The following EPHA3 variants were observed in gnomAD, a reference collection of about 807,000 sequenced individuals.
The protein encoded by EPHA3 is EPH receptor A3, also known as ephrin type-A receptor 3.
EPHA3 carries 42 observed loss-of-function variants against 107.1 expected under a neutral mutation model. That is an observed-to-expected ratio of 0.39 (90% confidence interval 0.31 to 0.51). The LOEUF (loss-of-function observed/expected upper bound fraction) is 0.51. Ranked by LOEUF, EPHA3 falls within the 20% of genes least tolerant of loss-of-function variation. EPHA3 has a pLI of 0.78. For missense variants in EPHA3, 1,183 were observed against 1,211.2 expected, an observed-to-expected ratio of 0.98 and a Z score of 0.35; for synonymous variants, 461 against 424.8, an observed-to-expected ratio of 1.09 and a Z score of -1.05.
chr3:89,186,815 A>C (rs1705578426), intron 2 of EPHA3, among the ~76,000 whole-genome samples: 1 of 152,140 alleles, frequency 6.6e-6, no homozygotes, highest in Non-Finnish European at 1.5e-5. Context: ...ATGTAGAAAT[A>C]TAGCATTTCA....
intron 15 of EPHA3, among the ~76,000 whole-genome samples, chr3:89,457,155 G>A (rs1710113494): frequency 6.6e-6 from 1 of 152,148 alleles, no homozygotes; most frequent in Non-Finnish European, 1.5e-5. Flanking sequence ...AAAACAGGCT[G>A]GGGGAACACT....
At chr3:89,333,749 G>C (rs1219560340) in intron 3 of EPHA3, among the ~76,000 whole-genome samples, 20 of 152,030 alleles carry the variant, frequency 1.3e-4, no homozygotes, top group Non-Finnish European at 2.1e-4. Flanking sequence ...GCATGCGACT[G>C]TAGTCCCAGC....
At chr3:89,150,281 A>G (rs544481033) in intron 2 of EPHA3, among the ~76,000 whole-genome samples, 24 of 152,226 alleles carry the variant, frequency 1.6e-4, no homozygotes, top group African/African-American at 5.8e-4. Flanking sequence ...AGATGAACAA[A>G]TAATTCAAAT....
intron 3 of EPHA3, among the ~76,000 whole-genome samples, chr3:89,320,979 G>A (rs1208296003): frequency 6.6e-6 from 1 of 151,824 alleles, no homozygotes; most frequent in Admixed American, 6.6e-5. Flanking sequence ...AGAAATGATG[G>A]GCTATGTATA....
At chr3:89,263,342 C>T (rs1407387641) in intron 3 of EPHA3, among the ~76,000 whole-genome samples, 1 of 152,066 alleles carries the variant, frequency 6.6e-6, no homozygotes, top group Non-Finnish European at 1.5e-5. Context: ...TGCCTTTTTG[C>T]GTGAGGAGGC....
At chr3:89,133,514 A>C (rs1704249082) in intron 2 of EPHA3, among the ~76,000 whole-genome samples, 1 of 152,192 alleles carries the variant, frequency 6.6e-6, no homozygotes, top group African/African-American at 2.4e-5. Context: ...CATTTTCTGC[A>C]TCCTGCTAGT....
intron 3 of EPHA3, among the ~76,000 whole-genome samples, chr3:89,246,313 G>A (rs1469985992): frequency 2.6e-5 from 4 of 152,040 alleles, no homozygotes; most frequent in African/African-American, 9.7e-5. Context: ...AATCCTCCCA[G>A]GAAAGAATAA....
intron 2 of EPHA3, among the ~76,000 whole-genome samples, chr3:89,140,599 C>A (rs545423646): frequency 1.2e-3 from 185 of 151,750 alleles, no homozygotes; most frequent in African/African-American, 4.4e-3. Flanking sequence ...GTGAAATTTG[C>A]TTTAGTGATT....
At chr3:89,160,795 C>A (rs904615643) in intron 2 of EPHA3, among the ~76,000 whole-genome samples, 1 of 152,006 alleles carries the variant, frequency 6.6e-6, no homozygotes, top group Non-Finnish European at 1.5e-5. Flanking sequence ...TTTTTATAGT[C>A]TCCTCAGCTT....
At chr3:89,386,423 T>G (rs1222409404) in intron 5 of EPHA3, among the ~76,000 whole-genome samples, 1 of 152,188 alleles carries the variant, frequency 6.6e-6, no homozygotes, top group Admixed American at 6.5e-5. Flanking sequence ...GGCCATGGCT[T>G]AAGATGGTGC....
Position 89,449,378 on chromosome 3 carries a change from A to T in EPHA3, c.2496+4A>T. On this transcript the variant is annotated splice_donor_region_variant and intron_variant, in intron 14 of 16. Transcript: ENST00000336596. ...CTGGGAGATGTCCAATCAGGATGTAAGTATTTGTGGTCTATGAGTTATGAG... is the reference window on the plus strand; with the variant it reads ...CTGGGAGATGTCCAATCAGGATGTATGTATTTGTGGTCTATGAGTTATGAG... 6.3e-7 allele frequency: 1 copy of T among 1,585,380 alleles called. No homozygotes were observed. Among genetic ancestry groups the T allele is most frequent in the Non-Finnish European group, 8.6e-7 (1 of 1,160,846 alleles).
At chr3:89,219,856 C>A (rs1459465275) in intron 3 of EPHA3, among the ~76,000 whole-genome samples, 1 of 146,998 alleles carries the variant, frequency 6.8e-6, no homozygotes, top group East Asian at 2.0e-4. Flanking sequence ...CTACAGGCGC[C>A]CGCCACTACG....
intron 5 of EPHA3, among the ~76,000 whole-genome samples, chr3:89,369,772 A>G (rs1289591214): frequency 6.7e-6 from 1 of 149,210 alleles, no homozygotes; most frequent in African/African-American, 2.5e-5. Flanking sequence ...CAAAGGGCTA[A>G]TATCCAGAAT....
Position 89,161,601 on chromosome 3 carries a change from T to C in EPHA3, c.153+34328T>C, listed in dbSNP as rs150120857. 8.5e-3 allele frequency among the ~76,000 whole-genome samples: 1,299 copies of C among 152,260 alleles called. 9 individuals are homozygous for C. The highest frequency in any genetic ancestry group is 0.026 in the East Asian group (134 of 5,172). ...TAGTTTTTTTACTGACGGGCAGTCA[T>C]TCATTTTATATATACATATAAAACA... On this transcript the variant is annotated intron_variant, in intron 2 of 16. Transcript: ENST00000336596.
chr3:89,336,872 T>A (rs1383784846), intron 3 of EPHA3, among the ~76,000 whole-genome samples: 4 of 151,976 alleles, frequency 2.6e-5, no homozygotes, highest in Admixed American at 2.0e-4. Flanking sequence ...ACTAGCCAGG[T>A]AATATAGTGA....
intron 1 of EPHA3, among the ~76,000 whole-genome samples, chr3:89,110,886 T>C (rs775080292): frequency 2.0e-5 from 3 of 152,052 alleles, no homozygotes; most frequent in Non-Finnish European, 4.4e-5. Flanking sequence ...TAAACACTTT[T>C]ATACATTTAT....
intron 3 of EPHA3, among the ~76,000 whole-genome samples, chr3:89,277,084 A>G (rs1705824986): frequency 6.6e-6 from 1 of 152,148 alleles, no homozygotes; most frequent in Non-Finnish European, 1.5e-5. Flanking sequence ...TTTAGAAGAC[A>G]TGGTATCTTC....
intron 2 of EPHA3, among the ~76,000 whole-genome samples, chr3:89,145,233 T>C (rs1325420247): frequency 6.6e-6 from 1 of 151,424 alleles, no homozygotes; most frequent in Admixed American, 6.6e-5. Context: ...TCAAACAAGT[T>C]AGAAACATTC....
At chr3:89,126,416 G>GA (rs1704098082) in intron 1 of EPHA3, among the ~76,000 whole-genome samples, 1 of 151,556 alleles carries the variant, frequency 6.6e-6, no homozygotes, top group East Asian at 1.9e-4. Flanking sequence ...ATTCAGTATG[G>GA]AAAATAAACA....
Sources: allele counts gnomAD v4.1 joint callset (sites outside exome capture counted in the v4.1 genomes callset), GRCh38; gene constraint gnomAD v4.1.1; transcripts MANE v1.5; gene names NCBI Gene and HGNC (gene_info 2026-07-23, HGNC 2026-07-21).